The following PDE4D variants were observed in gnomAD, a reference collection of about 807,000 sequenced individuals.
PDE4D encodes phosphodiesterase 4D.
A neutral mutation model predicts 87.4 loss-of-function variants in PDE4D; 24 were observed. The observed-to-expected ratio is 0.27, with a 90% CI of 0.20 to 0.39. The LOEUF (loss-of-function observed/expected upper bound fraction) is 0.39. PDE4D is among the 10% of genes least tolerant of loss of function. PDE4D has a pLI of 1.00. For missense variants in PDE4D, 714 were observed against 1,041.0 expected (o/e 0.69, Z 4.32); for synonymous variants, 384 against 383.2 (o/e 1.00, Z -0.02).
At chr5:59,550,289 G>A (rs1583077972) in intron 1 of PDE4D, among the ~76,000 whole-genome samples, 1 of 151,842 alleles carries the variant, frequency 6.6e-6, no homozygotes, top group African/African-American at 2.4e-5. Context: ...CTGAATATTT[G>A]GCTCATTTTT....
chr5:60,245,921 A>G (rs1165958343), intron 1 of PDE4D, among the ~76,000 whole-genome samples: 3 of 151,888 alleles, frequency 2.0e-5, no homozygotes, highest in Non-Finnish European at 4.4e-5. Context: ...TAAATAACTA[A>G]AAGAGTATAA....
intron 5 of PDE4D, among the ~76,000 whole-genome samples, chr5:59,180,051 T>C (rs1197277479): frequency 1.3e-5 from 2 of 152,210 alleles, no homozygotes; most frequent in African/African-American, 2.4e-5. Context: ...ATCCCAACGT[T>C]TTGATCTCAT....
chr5:59,711,477 A>C (rs1395630978), intron 1 of PDE4D, among the ~76,000 whole-genome samples: 1 of 152,138 alleles, frequency 6.6e-6, no homozygotes, highest in Non-Finnish European at 1.5e-5. Context: ...CAATTCTTTC[A>C]TCATACTTTC....
intron 1 of PDE4D, among the ~76,000 whole-genome samples, chr5:60,365,721 A>G (rs1760467977): frequency 6.6e-6 from 1 of 152,166 alleles, no homozygotes; most frequent in African/African-American, 2.4e-5. Flanking sequence ...ATCAAACAAC[A>G]GACTTACATA....
At chr5:60,062,605 C>T (rs1210174398) in intron 2 of PDE4D, among the ~76,000 whole-genome samples, 1 of 152,116 alleles carries the variant, frequency 6.6e-6, no homozygotes, top group Non-Finnish European at 1.5e-5. Flanking sequence ...ATTATAAAGA[C>T]ACGTGCATAT....
chr5:60,477,815 G>C (rs1319561753), intron 1 of PDE4D, among the ~76,000 whole-genome samples: 2 of 152,156 alleles, frequency 1.3e-5, no homozygotes, highest in Non-Finnish European at 2.9e-5. Context: ...CCTGTTGGAG[G>C]GATATGAGAG....
At chr5:59,439,442 C>G (rs1200490827) in intron 1 of PDE4D, among the ~76,000 whole-genome samples, 1 of 151,664 alleles carries the variant, frequency 6.6e-6, no homozygotes, top group Non-Finnish European at 1.5e-5. Flanking sequence ...CCATAAATGG[C>G]TTCGGTAACC....
intron 1 of PDE4D, among the ~76,000 whole-genome samples, chr5:60,467,804 G>A (rs1156870662): frequency 6.6e-6 from 1 of 152,124 alleles, no homozygotes; most frequent in African/African-American, 2.4e-5. Context: ...TCTTGGCATG[G>A]CAGAGCAGGA....
At position 60,467,528 on chromosome 5, in the gene PDE4D, A is replaced by G. The variant is rs917561215; in HGVS notation, c.-90+20414T>C. Among the ~76,000 whole-genome samples the G allele has an allele frequency of 2.0e-5, 3 of 151,892 alleles. 1 individual carries two copies. Among genetic ancestry groups the G allele is most frequent in the Admixed American group, 2.0e-4 (3 of 15,240 alleles). ...CCATCTCCAACTGAATTCTCTCTGA[A>G]CTCTGAGATTTCCTAGTATTCTTAA... On this transcript the variant is annotated intron_variant, in intron 1 of 16. Coordinates refer to the PDE4D transcript ENST00000502484.
At position 59,122,386 on chromosome 5, in the gene PDE4D, G is replaced by C. The variant is rs146514126; in HGVS notation, c.808+58209C>G. Among the ~76,000 whole-genome samples the C allele has an allele frequency of 3.0e-4, 45 of 152,266 alleles. No individual in the cohort carries two copies. In the East Asian group the frequency reaches 8.7e-3, roughly 29 times the overall value. ...CATGAAGGTAGACCGATAGATACCA[G>C]AGCCTGGGAGGAGTGTGTAGGTGGG... On this transcript the variant is annotated intron_variant, in intron 5 of 14. Coordinates refer to ENST00000340635, the MANE Select transcript of PDE4D (RefSeq NM_001104631.2).
intron 1 of PDE4D, among the ~76,000 whole-genome samples, chr5:59,564,017 G>A (rs1332885977): frequency 6.6e-6 from 1 of 152,116 alleles, no homozygotes; most frequent in South Asian, 2.1e-4. Context: ...GAGGAAGGGA[G>A]CATGTACTCT....
intron 1 of PDE4D, among the ~76,000 whole-genome samples, chr5:60,509,318 T>C (rs1036456777): frequency 1.3e-5 from 2 of 152,212 alleles, no homozygotes; most frequent in African/African-American, 4.8e-5. Context: ...TGAAACACGA[T>C]GGCTGAGCAT....
intron 1 of PDE4D, among the ~76,000 whole-genome samples, chr5:59,360,056 G>A (rs1781967028): frequency 6.6e-6 from 1 of 152,080 alleles, no homozygotes; most frequent in Non-Finnish European, 1.5e-5. Flanking sequence ...TGGGATTTTG[G>A]TTCCAAGATT....
chr5:59,322,753 G>C (rs765719744), intron 1 of PDE4D, among the ~76,000 whole-genome samples: 1 of 152,030 alleles, frequency 6.6e-6, no homozygotes, highest in Non-Finnish European at 1.5e-5. Context: ...ACAAAGTATT[G>C]AACATTTCTA....
chr5:60,111,436 G>C (rs1302322402), intron 2 of PDE4D, among the ~76,000 whole-genome samples: 2 of 151,862 alleles, frequency 1.3e-5, no homozygotes, highest in Admixed American at 1.3e-4. Context: ...GAAAACAAAA[G>C]TATCATATAT....
At chr5:59,913,544 T>C (rs1753673577) in intron 3 of PDE4D, among the ~76,000 whole-genome samples, 1 of 152,218 alleles carries the variant, frequency 6.6e-6, no homozygotes, top group Non-Finnish European at 1.5e-5. Flanking sequence ...TCCAAAACTT[T>C]AATTAGAAGA....
intron 1 of PDE4D, among the ~76,000 whole-genome samples, chr5:59,350,989 A>G (rs1039064550): frequency 5.3e-5 from 8 of 152,158 alleles, no homozygotes; most frequent in African/African-American, 1.2e-4. Context: ...CTATTGTACT[A>G]TTCTGTGACC....
At chr5:59,385,161 C>T (rs1183417611) in intron 1 of PDE4D, among the ~76,000 whole-genome samples, 3 of 152,142 alleles carry the variant, frequency 2.0e-5, no homozygotes, top group Non-Finnish European at 4.4e-5. Flanking sequence ...CAGCTAGTTG[C>T]TTTCTAGGCC....
intron 2 of PDE4D, among the ~76,000 whole-genome samples, chr5:60,153,520 G>T (rs1781701799): frequency 6.6e-6 from 1 of 152,090 alleles, no homozygotes; most frequent in African/African-American, 2.4e-5. Context: ...CTACTTCGGG[G>T]CATATATCCA....
Sources: gnomAD v4.1 joint callset for allele counts (sites outside exome capture counted in the v4.1 genomes callset) on GRCh38, gnomAD v4.1.1 for gene constraint, MANE v1.5 for transcripts, NCBI Gene and HGNC (gene_info 2026-07-23, HGNC 2026-07-21) for gene names.